Variants in PRDM16 observed in about 807,000 individuals in gnomAD.
The protein encoded by PRDM16 is PR/SET domain 16.
A neutral mutation model predicts 110.6 loss-of-function variants in PRDM16; 23 were observed. The ratio of observed to expected loss-of-function variants is 0.21; its 90% CI spans 0.15 to 0.29. The LOEUF (loss-of-function observed/expected upper bound fraction) is 0.29. PRDM16 is among the 10% of genes least tolerant of loss of function. The pLI, the probability that PRDM16 is intolerant of heterozygous loss-of-function variation, is 1.00. For missense variants in PRDM16, 1,615 were observed against 1,794.3 expected, an observed-to-expected ratio of 0.90 and a Z score of 1.81; for synonymous variants, 799 against 781.8, an observed-to-expected ratio of 1.02 and a Z score of -0.37.
At chr1:3,332,739 G>A (rs1225591330) in intron 3 of PRDM16, among the ~76,000 whole-genome samples, 40 of 126,826 alleles carry the variant, frequency 3.2e-4, no homozygotes, top group African/African-American at 9.6e-4. Flanking sequence ...CCCACCGCCC[G>A]TCCCCCCAGG....
intron 3 of PRDM16, among the ~76,000 whole-genome samples, chr1:3,341,204 G>A (rs970505564): frequency 2.3e-5 from 3 of 128,504 alleles, no homozygotes; most frequent in African/African-American, 2.6e-5. Context: ...CAAAGCTCTC[G>A]AGAAGTGACT....
chr1:3,270,715 A>ACAGTCGGGGAGGACAGTCCCGGAGGAGGG (rs1640429677), intron 3 of PRDM16, among the ~76,000 whole-genome samples: 2 of 146,038 alleles, frequency 1.4e-5, no homozygotes, highest in Admixed American at 6.8e-5. Context: ...CCGGAGGAGG[A>ACAGTCGGGGAGGACAGTCCCGGAGGAGGG]CAGTCGGGAG....
At chr1:3,298,708 T>A (rs965303771) in intron 3 of PRDM16, among the ~76,000 whole-genome samples, 3 of 152,106 alleles carry the variant, frequency 2.0e-5, no homozygotes, top group Non-Finnish European at 4.4e-5. Flanking sequence ...TGCCTGGCCC[T>A]TGGTTCCTGG....
intron 1 of PRDM16, among the ~76,000 whole-genome samples, chr1:3,118,245 G>A (rs1026548161): frequency 1.3e-5 from 2 of 152,288 alleles, no homozygotes; most frequent in Non-Finnish European, 1.5e-5. Flanking sequence ...GCATACACAC[G>A]CACAGAGCTA....
At position 3,262,864 on chromosome 1, in the gene PRDM16, C is replaced by T. The variant is rs550397452; in HGVS notation, c.438+18727C>T. Among the ~76,000 whole-genome samples, 23 of 152,170 alleles carry T rather than the reference C, an allele frequency of 1.5e-4. No individual in the cohort carries two copies. In the South Asian group the frequency reaches 3.3e-3, roughly 22 times the overall value. On this transcript the variant is annotated intron_variant, in intron 3 of 16. Coordinates refer to ENST00000270722, the MANE Select transcript of PRDM16 (RefSeq NM_022114.4). ...AACACACAGACAACACGAGGGTGTG[C>T]GCGCATGGGGTCCCAGGGAGGACAC...
intron 2 of PRDM16, among the ~76,000 whole-genome samples, chr1:3,212,235 C>T (rs1638902981): frequency 6.6e-6 from 1 of 152,208 alleles, no homozygotes; most frequent in South Asian, 2.1e-4. Context: ...GGCTTTGTCC[C>T]TCCTCTCCCG....
chr1:3,411,892 C>T lies in PRDM16; in HGVS notation c.1695C>T (p.Ser565=), dbSNP rs1643694000. ...CCCTGGTCTCCGCCGTCAGCAACAG[C>T]AGCCAGGGCACGACGGCAGCTGCGG... ...ALPLVSAVSN[S]SQGTTAAAGP... is the part of the protein sequence containing the mutation. The change falls in exon 9 of 17, where the codon AGC becomes AGT. Residue 565 remains serine, a synonymous_variant. Transcript: ENST00000270722. The T allele has an allele frequency of 6.2e-7, 1 of 1,613,328 alleles. No homozygotes were observed. The highest frequency in any genetic ancestry group is 1.1e-5 in the South Asian group (1 of 91,014).
At position 3,181,084 on chromosome 1, in the gene PRDM16, ACGGCCTTACACACGCAGTCTTACACG is replaced by A. The variant is rs1402038048; in HGVS notation, c.38-5011_38-4986del. Among the ~76,000 whole-genome samples the A allele has an allele frequency of 0.014, 1,679 of 123,624 alleles. 179 individuals are homozygous for A. The East Asian group carries it at 0.23, about 17-fold the overall frequency. 81.1% of individuals were successfully genotyped at this position (123,624 alleles called of 152,430 possible). On this transcript the variant is annotated intron_variant, in intron 1 of 16. Coordinates refer to ENST00000270722, the MANE Select transcript of PRDM16 (RefSeq NM_022114.4). ...CGGTCTTACACACCCGGTCTTACAC[ACGGCCTTACACACGCAGTCTTACACG>A]CGGCCTTACACACGCAGTCTTACAC...
At chr1:3,418,812 A>G in intron 12 of PRDM16, 68 bp downstream of exon 12, 3 of 1,206,414 alleles carry the variant, frequency 2.5e-6, no homozygotes, top group Non-Finnish European at 3.7e-6. Flanking sequence ...ACCCACTCCT[A>G]GGAGTAAGTA....
intron 1 of PRDM16, among the ~76,000 whole-genome samples, chr1:3,071,645 A>T (rs749388080): frequency 7.2e-5 from 11 of 152,164 alleles, no homozygotes; most frequent in Non-Finnish European, 1.6e-4. Flanking sequence ...TTCCCCGGGG[A>T]CCATAGTCCA....
At chr1:3,166,054 C>T (rs1175701851) in intron 1 of PRDM16, among the ~76,000 whole-genome samples, 4 of 152,220 alleles carry the variant, frequency 2.6e-5, no homozygotes, top group Admixed American at 6.5e-5. Flanking sequence ...CCTGGGATGG[C>T]GGGCGAGCCC....
At chr1:3,330,926 T>G (rs1214889883) in intron 3 of PRDM16, among the ~76,000 whole-genome samples, 1 of 152,054 alleles carries the variant, frequency 6.6e-6, no homozygotes, top group East Asian at 1.9e-4. Context: ...CCACCTGGAG[T>G]GTGCCTGCCA....
In PRDM16 at chr1:3,175,388, G is replaced by A. The variant is rs934213120; in HGVS notation, c.38-10737G>A. On this transcript the variant is annotated intron_variant, in intron 1 of 16. Coordinates refer to ENST00000270722, the MANE Select transcript of PRDM16 (RefSeq NM_022114.4). This position sits in a 1 kb window ranked among gnomAD's most constrained non-coding sequence, Gnocchi z 4.8. ...TTTTCTCTAGAAGTTGCCTCCGTGC[G>A]TGCCTGCTCTCCCCGATCAGCTCTC... 7.2e-5 allele frequency among the ~76,000 whole-genome samples: 11 copies of A among 152,282 alleles called. No homozygotes were observed. The highest frequency in any genetic ancestry group is 3.4e-3 in the Middle Eastern group (1 of 294).
At chr1:3,375,226 G>A (rs1220690893) in intron 3 of PRDM16, among the ~76,000 whole-genome samples, 2 of 152,168 alleles carry the variant, frequency 1.3e-5, no homozygotes, top group Admixed American at 6.5e-5. Context: ...TAGAGGGAGG[G>A]GCCCAAGCCC....
intron 1 of PRDM16, among the ~76,000 whole-genome samples, chr1:3,162,781 G>A (rs899490356): frequency 6.6e-6 from 1 of 152,152 alleles, no homozygotes; most frequent in African/African-American, 2.4e-5. Context: ...TGCGACCATC[G>A]AAGCCACACA....
chr1:3,181,692 G>A (rs796803677), intron 1 of PRDM16, among the ~76,000 whole-genome samples: 7,167 of 90,986 alleles, frequency 0.079, 563 homozygotes, highest in East Asian at 0.24. Flanking sequence ...TCTTACACAC[G>A]GTCTTACACA....
At chr1:3,332,849 C>A (rs1422354070) in intron 3 of PRDM16, among the ~76,000 whole-genome samples, 1 of 152,132 alleles carries the variant, frequency 6.6e-6, no homozygotes, top group Non-Finnish European at 1.5e-5. Flanking sequence ...TTTGTCCTCT[C>A]CATGGAATTC....
At chr1:3,137,175 T>C (rs1340013669) in intron 1 of PRDM16, among the ~76,000 whole-genome samples, 1 of 152,172 alleles carries the variant, frequency 6.6e-6, no homozygotes, top group Non-Finnish European at 1.5e-5. Flanking sequence ...GCCTCCGGCA[T>C]CCCCTCCTCA....
intron 5 of PRDM16, among the ~76,000 whole-genome samples, chr1:3,399,571 G>A (rs924417792): frequency 1.3e-5 from 2 of 152,176 alleles, no homozygotes; most frequent in Admixed American, 6.5e-5. Context: ...ATCCGTGGAG[G>A]GCTGGGGTTG....
Sources: gnomAD v4.1 joint callset for allele counts (sites outside exome capture counted in the v4.1 genomes callset) on GRCh38, gnomAD v4.1.1 for gene constraint, Gnocchi (gnomAD v3.1) non-coding constraint, MANE v1.5 for transcripts, NCBI Gene and HGNC (gene_info 2026-07-23, HGNC 2026-07-21) for gene names.